Variants in PITPNC1 observed in about 807,000 individuals in gnomAD.
The protein encoded by PITPNC1 is cytoplasmic phosphatidylinositol transfer protein 1.
PITPNC1 carries 18 observed loss-of-function variants against 44.7 expected under a neutral mutation model. That is an observed-to-expected ratio of 0.40 (90% CI 0.28 to 0.60). PITPNC1 has a LOEUF of 0.60. PITPNC1 is among the 20% of genes least tolerant of loss of function. The pLI, the probability that PITPNC1 is intolerant of heterozygous loss-of-function variation, is 0.39. For missense variants in PITPNC1, 290 were observed against 418.4 expected, an observed-to-expected ratio of 0.69 and a Z score of 2.68; for synonymous variants, 141 against 149.6, an observed-to-expected ratio of 0.94 and a Z score of 0.42.
At chr17:67,641,338 G>C (rs1760871877) in intron 6 of PITPNC1, among the ~76,000 whole-genome samples, 1 of 152,184 alleles carries the variant, frequency 6.6e-6, no homozygotes. Flanking sequence ...CGCTGTTAAA[G>C]TTGGTGTTTA....
intron 2 of PITPNC1, among the ~76,000 whole-genome samples, chr17:67,550,823 A>G (rs897227030): frequency 2.0e-5 from 3 of 152,154 alleles, no homozygotes; most frequent in African/African-American, 7.2e-5. Flanking sequence ...GCACTTTTGG[A>G]GGCCGAGGCG....
chr17:67,582,584 TA>T (rs11343907), intron 5 of PITPNC1, among the ~76,000 whole-genome samples: 51,894 of 145,180 alleles, frequency 0.36, 9,170 homozygotes, highest in South Asian at 0.53. Flanking sequence ...CAATATCTAG[TA>T]AAAAAAAAAA....
At chr17:67,469,959 G>A (rs1178120968) in intron 1 of PITPNC1, among the ~76,000 whole-genome samples, 1 of 151,840 alleles carries the variant, frequency 6.6e-6, no homozygotes, top group Non-Finnish European at 1.5e-5. Flanking sequence ...ATCTTGTTTT[G>A]TCATCCAGGC....
chr17:67,658,915 A>G (rs1435788546), intron 6 of PITPNC1, among the ~76,000 whole-genome samples: 1 of 152,104 alleles, frequency 6.6e-6, no homozygotes, highest in Non-Finnish European at 1.5e-5. Context: ...TTTACGTGCA[A>G]CTATCAGAGG....
chr17:67,690,223 G>A (rs2042895082), intron 8 of PITPNC1, among the ~76,000 whole-genome samples: 2 of 152,236 alleles, frequency 1.3e-5, no homozygotes, highest in Non-Finnish European at 2.9e-5. Flanking sequence ...TGAGGTGGAC[G>A]GATGACCTGA....
rs151042136 is a variant in PITPNC1, at chr17:67,409,813, C to T, written c.48+31611C>T. On this transcript the variant is annotated intron_variant, in intron 1 of 8. Coordinates refer to ENST00000581322, the MANE Select transcript of PITPNC1 (RefSeq NM_012417.4). ...TTGGCCTCCCAAAGTGCTGGGATTA[C>T]AGGCATGAGCCACTGTGCCTGGCCC... Among the ~76,000 whole-genome samples the T allele has an allele frequency of 5.4e-4, 82 of 152,316 alleles. No individual in the cohort carries two copies. In the East Asian group the frequency reaches 0.014, roughly 26 times the overall value.
chr17:67,525,761 A>G (rs1291334124), intron 1 of PITPNC1, among the ~76,000 whole-genome samples: 1 of 152,244 alleles, frequency 6.6e-6, no homozygotes, highest in Admixed American at 6.5e-5. Context: ...AAGCTGGAAG[A>G]AAGGCTTCAA....
At chr17:67,385,495 C>T (rs536045319) in intron 1 of PITPNC1, among the ~76,000 whole-genome samples, 66 of 144,730 alleles carry the variant, frequency 4.6e-4, no homozygotes, top group African/African-American at 1.6e-3. Context: ...CCCTCCCCTC[C>T]CCCCAGGCAC....
chr17:67,402,270 A>G (rs1489805954), intron 1 of PITPNC1, among the ~76,000 whole-genome samples: 1 of 152,188 alleles, frequency 6.6e-6, no homozygotes, highest in Non-Finnish European at 1.5e-5. Context: ...TTCTTTTCCA[A>G]CCATTTAAAA....
At chr17:67,658,833 C>T (rs954228342) in intron 6 of PITPNC1, among the ~76,000 whole-genome samples, 11 of 152,084 alleles carry the variant, frequency 7.2e-5, no homozygotes, top group East Asian at 5.8e-4. Flanking sequence ...CTTAGGTTCT[C>T]GAGGGTTTGC....
At chr17:67,462,613 A>C (rs535911114) in intron 1 of PITPNC1, among the ~76,000 whole-genome samples, 1 of 152,256 alleles carries the variant, frequency 6.6e-6, no homozygotes, top group African/African-American at 2.4e-5. Context: ...TTACCAATAC[A>C]TATCATGCTA....
At chr17:67,584,729 G>A (rs2041288134) in intron 5 of PITPNC1, among the ~76,000 whole-genome samples, 1 of 152,126 alleles carries the variant, frequency 6.6e-6, no homozygotes. Flanking sequence ...TTTGTCTCAA[G>A]TGTCAATGAA....
intron 8 of PITPNC1, among the ~76,000 whole-genome samples, chr17:67,690,606 T>C (rs1269897196): frequency 6.6e-6 from 1 of 152,096 alleles, no homozygotes; most frequent in Non-Finnish European, 1.5e-5. Flanking sequence ...TACATGGCAG[T>C]GGACAAGAAA....
chr17:67,544,040 G>A (rs747123224), intron 2 of PITPNC1, among the ~76,000 whole-genome samples: 3 of 152,130 alleles, frequency 2.0e-5, no homozygotes, highest in East Asian at 1.9e-4. Context: ...TAGTAGAGAC[G>A]GGGTTTTGCC....
intron 1 of PITPNC1, among the ~76,000 whole-genome samples, chr17:67,445,206 G>A (rs1463898579): frequency 6.6e-6 from 1 of 152,028 alleles, no homozygotes; most frequent in Non-Finnish European, 1.5e-5. Flanking sequence ...TATGGGTTCA[G>A]TTAATGAAAA....
chr17:67,434,577 G>A (rs945106009), intron 1 of PITPNC1, among the ~76,000 whole-genome samples: 6 of 152,152 alleles, frequency 3.9e-5, no homozygotes, highest in Admixed American at 1.3e-4. Flanking sequence ...TTGGGAGGCC[G>A]AGGCAGGTGG....
At chr17:67,635,328 C>T (rs761558243) in intron 6 of PITPNC1, among the ~76,000 whole-genome samples, 2 of 152,066 alleles carry the variant, frequency 1.3e-5, no homozygotes, top group African/African-American at 2.4e-5. Context: ...ACAGGGATTG[C>T]TCATGGATTG....
chr17:67,501,343 G>A (rs1052104731), intron 1 of PITPNC1, among the ~76,000 whole-genome samples: 11 of 152,144 alleles, frequency 7.2e-5, no homozygotes, highest in African/African-American at 9.6e-5. Context: ...GATGCACTCC[G>A]GGTTATATGA....
At chr17:67,485,682 T>A (rs895246286) in intron 1 of PITPNC1, among the ~76,000 whole-genome samples, 1 of 152,096 alleles carries the variant, frequency 6.6e-6, no homozygotes, top group African/African-American at 2.4e-5. Context: ...AACAACTGAC[T>A]TGCCAATTTA....
Sources: allele counts gnomAD v4.1 joint callset (sites outside exome capture counted in the v4.1 genomes callset), GRCh38; gene constraint gnomAD v4.1.1; transcripts MANE v1.5; gene names NCBI Gene and HGNC (gene_info 2026-07-23, HGNC 2026-07-21).